The following CNTNAP2 variants were observed in gnomAD, a reference collection of about 807,000 sequenced individuals.
CNTNAP2 encodes contactin associated protein 2.
CNTNAP2 carries 98 observed loss-of-function variants against 155.2 expected under a neutral mutation model. The ratio of observed to expected loss-of-function variants is 0.63; its 90% CI spans 0.54 to 0.75. CNTNAP2 has a LOEUF of 0.75. CNTNAP2 is among the 30% of genes least tolerant of loss of function. CNTNAP2 has a pLI of 0.00. For missense variants in CNTNAP2, 1,727 were observed against 1,688.1 expected, an observed-to-expected ratio of 1.02 and a Z score of -0.40; for synonymous variants, 651 against 631.2, an observed-to-expected ratio of 1.03 and a Z score of -0.47.
At chr7:147,647,732 A>G (rs1456803165) in intron 13 of CNTNAP2, among the ~76,000 whole-genome samples, 3 of 152,240 alleles carry the variant, frequency 2.0e-5, no homozygotes, top group Non-Finnish European at 4.4e-5. Flanking sequence ...TAATTTTAAA[A>G]GGGGACTAAA....
chr7:148,217,664 C>G, intron 19 of CNTNAP2, 140 bp downstream of exon 19: 1 of 890,142 alleles, frequency 1.1e-6, no homozygotes, highest in Non-Finnish European at 1.8e-6. Flanking sequence ...TCTTTGAACC[C>G]CATTTCTCTC....
At chr7:147,053,316 G>A (rs181670321) in intron 4 of CNTNAP2, among the ~76,000 whole-genome samples, 109 of 152,066 alleles carry the variant, frequency 7.2e-4, no homozygotes, top group African/African-American at 2.5e-3. Flanking sequence ...TATTCTATGG[G>A]GAAACAGCTA....
intron 2 of CNTNAP2, among the ~76,000 whole-genome samples, chr7:146,835,024 T>C (rs1803589177): frequency 6.6e-6 from 1 of 152,152 alleles, no homozygotes; most frequent in African/African-American, 2.4e-5. Context: ...CCCCTTGAGG[T>C]TAATCACTAC....
chr7:146,995,888 G>A (rs937195735), intron 3 of CNTNAP2, among the ~76,000 whole-genome samples: 15 of 152,018 alleles, frequency 9.9e-5, no homozygotes, highest in African/African-American at 3.4e-4. Flanking sequence ...AATTCCACTT[G>A]TCTATTTTTT....
At chr7:147,258,776 T>G (rs981536673) in intron 8 of CNTNAP2, among the ~76,000 whole-genome samples, 1 of 152,190 alleles carries the variant, frequency 6.6e-6, no homozygotes, top group Non-Finnish European at 1.5e-5. Flanking sequence ...GTTGTGAACA[T>G]GAATTCCACG....
intron 1 of CNTNAP2, among the ~76,000 whole-genome samples, chr7:146,393,992 C>G (rs1282801188): frequency 6.6e-6 from 1 of 152,066 alleles, no homozygotes; most frequent in Non-Finnish European, 1.5e-5. Flanking sequence ...CACAGTTGGC[C>G]AGTCAGCAAC....
intron 1 of CNTNAP2, among the ~76,000 whole-genome samples, chr7:146,433,493 C>T (rs1264992614): frequency 6.6e-6 from 1 of 152,038 alleles, no homozygotes; most frequent in East Asian, 1.9e-4. Flanking sequence ...CTTCTCTTTA[C>T]TTCTGCTTTT....
intron 10 of CNTNAP2, among the ~76,000 whole-genome samples, chr7:147,430,469 T>C (rs1156567507): frequency 6.6e-6 from 1 of 152,162 alleles, no homozygotes; most frequent in Non-Finnish European, 1.5e-5. Context: ...CAGAGGTACA[T>C]GTGCATATAT....
intron 13 of CNTNAP2, among the ~76,000 whole-genome samples, chr7:147,651,622 T>C (rs750351988): frequency 6.6e-6 from 1 of 152,196 alleles, no homozygotes; most frequent in Non-Finnish European, 1.5e-5. Context: ...CATTGTCCTA[T>C]CTTTTCATTT....
At chr7:146,896,796 A>T (rs1317254868) in intron 3 of CNTNAP2, among the ~76,000 whole-genome samples, 1 of 152,104 alleles carries the variant, frequency 6.6e-6, no homozygotes, top group South Asian at 2.1e-4. Context: ...TTTAGTAAGT[A>T]ATTTTACTTT....
intron 12 of CNTNAP2, among the ~76,000 whole-genome samples, chr7:147,607,425 TC>T (rs1801092348): frequency 8.6e-5 from 13 of 151,908 alleles, no homozygotes; most frequent in Admixed American, 4.6e-4. Context: ...TCTCTCTCTC[TC>T]TCTCTTCTTT....
intron 20 of CNTNAP2, among the ~76,000 whole-genome samples, chr7:148,252,569 C>T (rs1796381776): frequency 6.6e-6 from 1 of 152,180 alleles, no homozygotes; most frequent in South Asian, 2.1e-4. Context: ...GCAGTAGCCT[C>T]TATTGACTAT....
At chr7:146,499,207 G>C (rs1006361139) in intron 1 of CNTNAP2, among the ~76,000 whole-genome samples, 1 of 152,146 alleles carries the variant, frequency 6.6e-6, no homozygotes. Flanking sequence ...TATTTAGACA[G>C]AGTTTTGCTC....
At chr7:146,952,557 G>C (rs79351865) in intron 3 of CNTNAP2, among the ~76,000 whole-genome samples, 5 of 152,156 alleles carry the variant, frequency 3.3e-5, no homozygotes, top group African/African-American at 1.2e-4. Context: ...ATCTCCTGAA[G>C]CTGATAAGCA....
chr7:147,671,244 C>G (rs1795782294), intron 13 of CNTNAP2, among the ~76,000 whole-genome samples: 1 of 152,186 alleles, frequency 6.6e-6, no homozygotes, highest in South Asian at 2.1e-4. Context: ...AAATGAGGCA[C>G]CCGGTTGCAA....
At chr7:146,929,288 C>T (rs1248539484) in intron 3 of CNTNAP2, among the ~76,000 whole-genome samples, 1 of 152,166 alleles carries the variant, frequency 6.6e-6, no homozygotes, top group Non-Finnish European at 1.5e-5. Flanking sequence ...CACGAAAATC[C>T]TCTGCTCTGC....
At chr7:147,029,244 T>A (rs1472403148) in intron 3 of CNTNAP2, among the ~76,000 whole-genome samples, 1 of 152,118 alleles carries the variant, frequency 6.6e-6, no homozygotes, top group Non-Finnish European at 1.5e-5. Flanking sequence ...ATTACAGGCG[T>A]GAGCCACTGC....
rs141273942 is a variant in CNTNAP2, at chr7:147,186,219, C to A, written c.1348+53710C>A. On this transcript the variant is annotated intron_variant, in intron 8 of 23. Coordinates refer to ENST00000361727, the MANE Select transcript of CNTNAP2 (RefSeq NM_014141.6). ...TCAATCTTAATGCTTACACTAAATT[C>A]TCTTGTTGGGTCATAGACTCAAGAG... Among the ~76,000 whole-genome samples, 354 of 152,246 alleles carry A rather than the reference C, an allele frequency of 2.3e-3. 1 individual carries two copies. The highest frequency in any genetic ancestry group is 8.0e-3 in the African/African-American group (334 of 41,538).
At chr7:147,253,437 G>A (rs1214390093) in intron 8 of CNTNAP2, among the ~76,000 whole-genome samples, 5 of 136,770 alleles carry the variant, frequency 3.7e-5, no homozygotes, top group Admixed American at 1.5e-4. Context: ...ATAGAACATC[G>A]TCTTATTGCT....
Sources: gnomAD v4.1 joint callset for allele counts (sites outside exome capture counted in the v4.1 genomes callset) on GRCh38, gnomAD v4.1.1 for gene constraint, MANE v1.5 for transcripts, NCBI Gene and HGNC (gene_info 2026-07-23, HGNC 2026-07-21) for gene names.